IMPG1: variants seen among roughly 807,000 people sequenced by gnomAD.
IMPG1 encodes the protein interphotoreceptor matrix proteoglycan of 150 kDa.
A neutral mutation model predicts 92.0 loss-of-function variants in IMPG1; 85 were observed. The ratio of observed to expected loss-of-function variants is 0.92; its 90% CI spans 0.78 to 1.11. The LOEUF (loss-of-function observed/expected upper bound fraction) is 1.11. Ranked by LOEUF, IMPG1 falls within the 50% of genes least tolerant of loss-of-function variation. The pLI is 0.00. For synonymous variants in IMPG1, 367 were observed against 334.1 expected (o/e 1.10, Z -1.08); for missense variants, 1,022 against 956.0 (o/e 1.07, Z -0.91).
At chr6:76,030,886 G>T (rs1384655039) in intron 4 of IMPG1, among the ~76,000 whole-genome samples, 1 of 152,146 alleles carries the variant, frequency 6.6e-6, no homozygotes, top group Admixed American at 6.5e-5. Flanking sequence ...ACTCCATCCA[G>T]CCTGTCCACT....
chr6:75,933,657 A>G (rs9350606), intron 14 of IMPG1, among the ~76,000 whole-genome samples: 10,638 of 152,270 alleles, frequency 0.07, 504 homozygotes, highest in East Asian at 0.23. Context: ...GTCTACTAGC[A>G]TCCCAGTAGA....
intron 12 of IMPG1, among the ~76,000 whole-genome samples, chr6:75,987,788 G>C (rs1465767170): frequency 6.6e-6 from 1 of 151,860 alleles, no homozygotes; most frequent in Non-Finnish European, 1.5e-5. Flanking sequence ...GGGACTGCAG[G>C]CGCCCACCAC....
intron 14 of IMPG1, among the ~76,000 whole-genome samples, chr6:75,931,918 G>C (rs1038370892): frequency 1.3e-5 from 2 of 152,196 alleles, no homozygotes; most frequent in African/African-American, 4.8e-5. Flanking sequence ...TCCTTATAGA[G>C]CTGAGCACAT....
intron 5 of IMPG1, among the ~76,000 whole-genome samples, chr6:76,023,623 T>A (rs1783472518): frequency 6.6e-6 from 1 of 152,222 alleles, no homozygotes; most frequent in Non-Finnish European, 1.5e-5. Context: ...ATACTTCAAC[T>A]GGAGGTGTCC....
intron 12 of IMPG1, among the ~76,000 whole-genome samples, chr6:75,971,590 T>C (rs1472357673): frequency 6.6e-6 from 1 of 152,212 alleles, no homozygotes; most frequent in Non-Finnish European, 1.5e-5. Flanking sequence ...ATTGCATTCC[T>C]AGAAAATTCA....
At chr6:76,012,946 C>G (rs1182342391) in intron 7 of IMPG1, among the ~76,000 whole-genome samples, 1 of 152,086 alleles carries the variant, frequency 6.6e-6, no homozygotes, top group African/African-American at 2.4e-5. Context: ...CCTCCCACCC[C>G]CCACATGCAG....
chr6:76,068,772 C>T (rs1784354375), intron 1 of IMPG1, among the ~76,000 whole-genome samples: 1 of 152,020 alleles, frequency 6.6e-6, no homozygotes, highest in Non-Finnish European at 1.5e-5. Context: ...CCACCTCAGC[C>T]TCCCAAAGTG....
At chr6:75,966,825 A>G (rs1193321060) in intron 12 of IMPG1, among the ~76,000 whole-genome samples, 1 of 152,230 alleles carries the variant, frequency 6.6e-6, no homozygotes, top group African/African-American at 2.4e-5. Flanking sequence ...CAACAACATA[A>G]CAAGTGAATT....
At chr6:76,006,843 T>C in intron 9 of IMPG1, among the ~76,000 whole-genome samples, 1 of 152,112 alleles carries the variant, frequency 6.6e-6, no homozygotes, top group East Asian at 1.9e-4. Flanking sequence ...CCTCAGGAAT[T>C]AGGTTTTACC....
intron 14 of IMPG1, among the ~76,000 whole-genome samples, chr6:75,936,118 G>A (rs1191046747): frequency 6.6e-6 from 1 of 152,196 alleles, no homozygotes; most frequent in African/African-American, 2.4e-5. Flanking sequence ...GTGCCCTAGC[G>A]GGGAAAGCCT....
intron 14 of IMPG1, among the ~76,000 whole-genome samples, chr6:75,943,921 G>A (rs745900624): frequency 8.2e-4 from 125 of 152,278 alleles, no homozygotes; most frequent in South Asian, 2.9e-3. Context: ...AAGTCTTTTG[G>A]AATGAAAAAG....
At chr6:76,014,771 C>T (rs1238466234) in intron 7 of IMPG1, among the ~76,000 whole-genome samples, 4 of 152,180 alleles carry the variant, frequency 2.6e-5, no homozygotes, top group Admixed American at 6.5e-5. Context: ...ACAGGGAGCA[C>T]TGCGGGGGAG....
intron 1 of IMPG1, among the ~76,000 whole-genome samples, chr6:76,067,478 T>A (rs1201223751): frequency 6.6e-6 from 1 of 151,812 alleles, no homozygotes; most frequent in East Asian, 1.9e-4. Flanking sequence ...CTTCTCAAGG[T>A]TGAACCAGGA....
intron 14 of IMPG1, among the ~76,000 whole-genome samples, chr6:75,944,677 T>A (rs1211598385): frequency 6.6e-6 from 1 of 152,220 alleles, no homozygotes; most frequent in African/African-American, 2.4e-5. Flanking sequence ...GTATGAACTA[T>A]AAGTTCACCG....
intron 1 of IMPG1, among the ~76,000 whole-genome samples, chr6:76,045,944 A>G (rs1783932787): frequency 6.6e-6 from 1 of 152,236 alleles, no homozygotes; most frequent in Non-Finnish European, 1.5e-5. Context: ...AGTATATTTA[A>G]TAAAAGACTG....
At chr6:76,009,984 A>G (rs903723301) in intron 8 of IMPG1, among the ~76,000 whole-genome samples, 1 of 152,234 alleles carries the variant, frequency 6.6e-6, no homozygotes, top group African/African-American at 2.4e-5. Flanking sequence ...TCTCTAATCC[A>G]TCTGATTTCA....
At chr6:76,007,772 GTCT>G (rs1199395001) in intron 8 of IMPG1, among the ~76,000 whole-genome samples, 11 of 152,144 alleles carry the variant, frequency 7.2e-5, no homozygotes, top group Middle Eastern at 3.4e-3. Context: ...TGCACTTTTG[GTCT>G]TCTTCTTACA....
At chr6:76,055,073 A>C (rs569767163) in intron 1 of IMPG1, among the ~76,000 whole-genome samples, 2 of 152,178 alleles carry the variant, frequency 1.3e-5, no homozygotes, top group African/African-American at 4.8e-5. Context: ...AGCCTGACCT[A>C]ATGGACATGT....
At chr6:76,009,387 T>C (rs1582101452) in intron 8 of IMPG1, among the ~76,000 whole-genome samples, 1 of 152,186 alleles carries the variant, frequency 6.6e-6, no homozygotes, top group African/African-American at 2.4e-5. Context: ...AAATCAACCT[T>C]TATACAAATG....
Sources: allele counts gnomAD v4.1 joint callset (sites outside exome capture counted in the v4.1 genomes callset), GRCh38; gene constraint gnomAD v4.1.1; transcripts MANE v1.5; gene names NCBI Gene and HGNC (gene_info 2026-07-23, HGNC 2026-07-21).